PIP5K1B: variants seen among roughly 807,000 people sequenced by gnomAD.
The protein encoded by PIP5K1B is phosphatidylinositol-4-phosphate 5-kinase type 1 beta, also known as phosphatidylinositol 4-phosphate 5-kinase type-1 beta.
A neutral mutation model predicts 67.0 loss-of-function variants in PIP5K1B; 42 were observed. The observed-to-expected ratio is 0.63, with a 90% CI of 0.49 to 0.81. The LOEUF (loss-of-function observed/expected upper bound fraction) is 0.81, where lower values mean the gene tolerates loss of function less well. PIP5K1B is among the 30% of genes least tolerant of loss of function. The probability of loss-of-function intolerance (pLI) is 0.00; values close to 1 mark genes in which losing one functional copy is unlikely to be tolerated. For missense variants in PIP5K1B, 459 were observed against 646.3 expected (o/e 0.71, Z 3.14); for synonymous variants, 214 against 231.4 (o/e 0.92, Z 0.68).
At chr9:68,935,298 C>T (rs968112719) in intron 13 of PIP5K1B, among the ~76,000 whole-genome samples, 2 of 152,116 alleles carry the variant, frequency 1.3e-5, no homozygotes, top group Non-Finnish European at 2.9e-5. Flanking sequence ...GAAACCCTGT[C>T]TCTACTGAAA....
chr9:69,008,478 G>A lies in PIP5K1B; in HGVS notation c.*29G>A, dbSNP rs1302514664. 1 of 1,611,552 alleles carries A rather than the reference G, an allele frequency of 6.2e-7. No individual in the cohort carries two copies. The highest frequency in any genetic ancestry group is 1.7e-5 in the Admixed American group (1 of 60,008). On this transcript the variant is annotated 3_prime_UTR_variant, in exon 16 of 16. Transcript: ENST00000265382. The stretch of plus-strand genomic sequence containing the variant: ...AAAATGGTGATCACCTAAGCACATG[G>A]ATGAGACGTGAGCACAGTTATGGCA...
intron 6 of PIP5K1B, among the ~76,000 whole-genome samples, chr9:68,883,433 C>T (rs542546005): frequency 6.6e-6 from 1 of 152,302 alleles, no homozygotes; most frequent in South Asian, 2.1e-4. Flanking sequence ...GGGAAGTGGA[C>T]GATCAAAGTT....
chr9:68,834,845 G>T (rs1834512510), intron 4 of PIP5K1B, among the ~76,000 whole-genome samples: 1 of 152,158 alleles, frequency 6.6e-6, no homozygotes, highest in South Asian at 2.1e-4. Flanking sequence ...TCTTAATGAT[G>T]TGGCATCCTG....
intron 4 of PIP5K1B, among the ~76,000 whole-genome samples, chr9:68,853,596 C>T (rs899667332): frequency 2.0e-5 from 3 of 152,168 alleles, no homozygotes; most frequent in Non-Finnish European, 2.9e-5. Flanking sequence ...GCTCTGATGA[C>T]GGCAAAACCA....
At chr9:68,928,684 T>G (rs1826831565) in intron 12 of PIP5K1B, among the ~76,000 whole-genome samples, 1 of 152,234 alleles carries the variant, frequency 6.6e-6, no homozygotes. Context: ...TTTTGTTTAT[T>G]GCGTAGGTAG....
chr9:68,861,568 G>A (rs1338622895), intron 4 of PIP5K1B, among the ~76,000 whole-genome samples: 1 of 152,192 alleles, frequency 6.6e-6, no homozygotes, highest in Admixed American at 6.5e-5. Context: ...GATACAGATA[G>A]TTCTGGAAAG....
intron 1 of PIP5K1B, among the ~76,000 whole-genome samples, chr9:68,734,488 T>C (rs1390336169): frequency 1.3e-5 from 2 of 152,228 alleles, no homozygotes; most frequent in African/African-American, 2.4e-5. Flanking sequence ...ATATCTCTAC[T>C]GCTTTGTTGA....
intron 14 of PIP5K1B, among the ~76,000 whole-genome samples, chr9:68,943,047 C>G (rs1827639335): frequency 6.6e-6 from 1 of 152,154 alleles, no homozygotes; most frequent in Non-Finnish European, 1.5e-5. Context: ...GAGATGCAAC[C>G]CAGACAAACG....
rs1554725680 is a variant in PIP5K1B, at chr9:68,863,976, A to G, written c.200+9A>G. 1 of 1,612,828 alleles carries G rather than the reference A, an allele frequency of 6.2e-7. No homozygotes were observed. Among genetic ancestry groups the G allele is most frequent in the South Asian group, 1.1e-5 (1 of 90,774 alleles). Reference sequence around the variant, plus strand: ...AGTGTGTTCCTACCCAGGTAAGAACATTTTTATTTGTGATGATTTCCATGC... The same window carrying G: ...AGTGTGTTCCTACCCAGGTAAGAACGTTTTTATTTGTGATGATTTCCATGC... On this transcript the variant is annotated intron_variant, in intron 5 of 15. Transcript: ENST00000265382.
intron 2 of PIP5K1B, among the ~76,000 whole-genome samples, chr9:68,752,155 G>A (rs1829664198): frequency 6.6e-6 from 1 of 152,126 alleles, no homozygotes; most frequent in East Asian, 1.9e-4. Flanking sequence ...CACAAGTAGA[G>A]GCCAAAGCTG....
intron 14 of PIP5K1B, among the ~76,000 whole-genome samples, chr9:68,962,622 G>C (rs1828812283): frequency 6.6e-6 from 1 of 152,166 alleles, no homozygotes; most frequent in African/African-American, 2.4e-5. Context: ...AGTCCATCTA[G>C]ACTGAATTTG....
chr9:68,895,308 A>G (rs547368469), intron 8 of PIP5K1B, among the ~76,000 whole-genome samples: 90 of 151,954 alleles, frequency 5.9e-4, no homozygotes, highest in African/African-American at 2.0e-3. Context: ...ATTTTTTCTA[A>G]CATGGTGAAA....
At chr9:68,735,638 C>T (rs1363354920) in intron 1 of PIP5K1B, among the ~76,000 whole-genome samples, 3 of 152,186 alleles carry the variant, frequency 2.0e-5, no homozygotes, top group Admixed American at 6.5e-5. Context: ...GATCCGCTTG[C>T]CTCAGCCTCC....
intron 1 of PIP5K1B, among the ~76,000 whole-genome samples, chr9:68,730,281 A>G (rs966474462): frequency 6.6e-6 from 1 of 152,228 alleles, no homozygotes; most frequent in Non-Finnish European, 1.5e-5. Flanking sequence ...TAAAGGAGGT[A>G]TATCATAGGA....
intron 1 of PIP5K1B, among the ~76,000 whole-genome samples, chr9:68,729,956 A>G (rs1011086773): frequency 1.3e-5 from 2 of 152,174 alleles, no homozygotes; most frequent in Non-Finnish European, 2.9e-5. Flanking sequence ...TGTTAGAACA[A>G]CATTCATTAT....
At position 68,789,727 on chromosome 9, in the gene PIP5K1B, G is replaced by T. The variant is rs566678869; in HGVS notation, c.-85-28734G>T. 5 of 252,656 alleles carry T rather than the reference G, an allele frequency of 2.0e-5. No homozygotes were observed. In the East Asian group the frequency reaches 6.5e-4, roughly 33 times the overall value. The allele number at this position is 252,656 out of a possible 1,614,324, so 15.7% of individuals were successfully genotyped here. A position where few individuals can be genotyped will look rare whatever the true frequency, so the allele number is the denominator to read the frequency against. Reference sequence around the variant, plus strand: ...AGCCTTTTTCAGTCTGAAAGCCTCAGGACTCTGCAGATTTTCAACCCCATC... The same window carrying T: ...AGCCTTTTTCAGTCTGAAAGCCTCATGACTCTGCAGATTTTCAACCCCATC... On this transcript the variant is annotated intron_variant, in intron 2 of 15. Coordinates refer to ENST00000265382, the MANE Select transcript of PIP5K1B (RefSeq NM_003558.4).
intron 5 of PIP5K1B, among the ~76,000 whole-genome samples, chr9:68,865,751 C>T (rs1276061308): frequency 6.6e-6 from 1 of 152,194 alleles, no homozygotes; most frequent in Non-Finnish European, 1.5e-5. Context: ...CATGCAGATT[C>T]TTGGGCTCCA....
intron 8 of PIP5K1B, among the ~76,000 whole-genome samples, chr9:68,896,002 T>A (rs1423853168): frequency 6.7e-6 from 1 of 150,172 alleles, no homozygotes; most frequent in East Asian, 1.9e-4. Flanking sequence ...ACTCTGAGGA[T>A]TTTTTTTTAA....
chr9:68,915,945 G>A (rs148720260), intron 8 of PIP5K1B, among the ~76,000 whole-genome samples: 210 of 152,352 alleles, frequency 1.4e-3, no homozygotes, highest in Non-Finnish European at 2.5e-3. Flanking sequence ...CATCCATGAA[G>A]TGGCAGCCAC....
Sources: allele counts gnomAD v4.1 joint callset (sites outside exome capture counted in the v4.1 genomes callset), GRCh38; gene constraint gnomAD v4.1.1; transcripts MANE v1.5; gene names NCBI Gene and HGNC (gene_info 2026-07-23, HGNC 2026-07-21).